The following COL5A2 variants were observed in gnomAD, a reference collection of about 807,000 sequenced individuals.
COL5A2 encodes collagen alpha-2(V) chain.
Under a neutral mutation model 208.2 loss-of-function variants are expected in COL5A2, and 23 were observed. The observed-to-expected ratio is 0.11, with a 90% CI of 0.08 to 0.16. The LOEUF (loss-of-function observed/expected upper bound fraction) is 0.16. Ranked by LOEUF, COL5A2 falls within the 10% of genes least tolerant of loss-of-function variation. The pLI, the probability that COL5A2 is intolerant of heterozygous loss-of-function variation, is 1.00. For missense variants in COL5A2, 1,590 were observed against 1,956.4 expected (o/e 0.81, Z 3.53); for synonymous variants, 625 against 628.5 (o/e 0.99, Z 0.08).
the COL5A2 span, among the ~76,000 whole-genome samples, chr2:189,368,641 G>T: frequency 6.6e-5 from 10 of 152,230 alleles, no homozygotes; most frequent in Admixed American, 2.0e-4. Flanking sequence ...GCATTCATTA[G>T]ATAAAGTTAA....
the COL5A2 span, among the ~76,000 whole-genome samples, chr2:189,318,508 A>C: frequency 2.0e-5 from 3 of 152,176 alleles, no homozygotes; most frequent in African/African-American, 7.2e-5. Flanking sequence ...TGAGCTTATA[A>C]GATAGTAGTC....
At chr2:189,199,489 G>A (rs1689045121) in intron 1 of COL5A2, among the ~76,000 whole-genome samples, 1 of 151,960 alleles carries the variant, frequency 6.6e-6, no homozygotes. Flanking sequence ...CTAGGCACAA[G>A]GGCAAAAAAA....
chr2:189,088,758 T>C lies in COL5A2; in HGVS notation c.582A>G (p.Gln194=), dbSNP rs747615684. Residue 194 remains glutamine, a synonymous_variant, in exon 8 of 54, where the codon CAA becomes CAG. Coordinates refer to ENST00000374866, the MANE Select transcript of COL5A2 (RefSeq NM_000393.5). ...PDGLSRPFSA[Q]MAGLDEKSGL... ...CAGATTTTTCATCCAACCCAGCCAT[T>C]TGAGCTGAAAACGGCTGTAAAAGCG... is the stretch of plus-strand genomic sequence containing the variant. 3.1e-6 allele frequency: 5 copies of C among 1,614,006 alleles called. No individual in the cohort carries two copies. The highest frequency in any genetic ancestry group is 4.2e-6 in the Non-Finnish European group (5 of 1,179,926).
chr2:189,333,833 A>G, the COL5A2 span, among the ~76,000 whole-genome samples: 1 of 152,032 alleles, frequency 6.6e-6, no homozygotes, highest in Non-Finnish European at 1.5e-5. Flanking sequence ...TTAAAAGAAT[A>G]TAAATTTCCA....
the COL5A2 span, among the ~76,000 whole-genome samples, chr2:189,287,986 A>G: frequency 6.6e-6 from 1 of 152,168 alleles, no homozygotes; most frequent in Non-Finnish European, 1.5e-5. Flanking sequence ...AGAGTTGTGT[A>G]TTACATACAA....
intron 1 of COL5A2, among the ~76,000 whole-genome samples, chr2:189,148,803 G>T (rs1216288996): frequency 6.6e-6 from 1 of 152,084 alleles, no homozygotes; most frequent in Non-Finnish European, 1.5e-5. Flanking sequence ...ATATATTAGT[G>T]GTCATTAAGC....
the COL5A2 span, among the ~76,000 whole-genome samples, chr2:189,357,524 AACCGCCT>A: frequency 6.6e-6 from 1 of 152,002 alleles, no homozygotes; most frequent in Non-Finnish European, 1.5e-5. Context: ...GTGAGGGTAA[AACCGCCT>A]ACTCAAGCCT....
chr2:189,297,217 C>T, the COL5A2 span, among the ~76,000 whole-genome samples: 1 of 151,830 alleles, frequency 6.6e-6, no homozygotes, highest in Non-Finnish European at 1.5e-5. Flanking sequence ...TCAATACAAG[C>T]TACTGCACCA....
chr2:189,435,466 A>C, the COL5A2 span, among the ~76,000 whole-genome samples: 20 of 152,222 alleles, frequency 1.3e-4, no homozygotes, highest in African/African-American at 4.8e-4. Flanking sequence ...CAAAGAACTC[A>C]AACAAATTTA....
intron 45 of COL5A2, 66 bp downstream of exon 45, chr2:189,048,143 G>C: frequency 7.0e-7 from 1 of 1,432,338 alleles, no homozygotes. Context: ...ACAGTTTTTA[G>C]TGTAAATTAA....
chr2:189,333,859 A>G, the COL5A2 span, among the ~76,000 whole-genome samples: 4 of 151,944 alleles, frequency 2.6e-5, no homozygotes, highest in Non-Finnish European at 4.4e-5. Flanking sequence ...TAAGCCACTC[A>G]GTCTGTAGGA....
the COL5A2 span, among the ~76,000 whole-genome samples, chr2:189,352,312 C>T: frequency 2.0e-5 from 3 of 152,118 alleles, no homozygotes; most frequent in African/African-American, 2.4e-5. Flanking sequence ...TTTGGGTATA[C>T]ACCCAGTAAT....
chr2:189,162,042 G>A (rs1263296407), intron 1 of COL5A2, among the ~76,000 whole-genome samples: 3 of 152,184 alleles, frequency 2.0e-5, no homozygotes, highest in African/African-American at 4.8e-5. Context: ...GACTTCTCAG[G>A]TGTGCCCTCC....
Position 189,041,072 on chromosome 2 carries a change from A to C in COL5A2, c.3633+514T>G, listed in dbSNP as rs149684887. ...TGGAAGATGTATGAAGATGTTTCCC[A>C]GACCTGAGAAGCAAGGATCTAACTA... On this transcript the variant is annotated intron_variant, in intron 50 of 53. Coordinates refer to ENST00000374866, the MANE Select transcript of COL5A2 (RefSeq NM_000393.5). Among the ~76,000 whole-genome samples the C allele has an allele frequency of 3.1e-3, 472 of 152,334 alleles. 3 individuals are homozygous for C. Among genetic ancestry groups the C allele is most frequent in the African/African-American group, 0.011 (439 of 41,582 alleles).
the COL5A2 span, among the ~76,000 whole-genome samples, chr2:189,295,788 C>CT: frequency 6.7e-6 from 1 of 149,684 alleles, no homozygotes; most frequent in Non-Finnish European, 1.5e-5. Context: ...CGTGAGCCTC[C>CT]TTTTTTAAAA....
the COL5A2 span, among the ~76,000 whole-genome samples, chr2:189,430,326 G>A: frequency 2.2e-3 from 330 of 152,256 alleles, 2 homozygotes; most frequent in Admixed American, 3.7e-3. Context: ...AAACTAAAAG[G>A]AGATACAGCT....
chr2:189,111,588 T>TA (rs140402764), intron 1 of COL5A2, among the ~76,000 whole-genome samples: 108,326 of 151,906 alleles, frequency 0.71, 39,593 homozygotes, highest in Non-Finnish European at 0.81. Flanking sequence ...CTGCAAAAAT[T>TA]AGACTTCCTT....
intron 1 of COL5A2, among the ~76,000 whole-genome samples, chr2:189,197,454 AAATT>A (rs1689018764): frequency 6.6e-6 from 1 of 152,118 alleles, no homozygotes; most frequent in African/African-American, 2.4e-5. Context: ...GTAAAATAAA[AAATT>A]AATTAATTAA....
chr2:189,057,729 T>C (rs1245213299), intron 33 of COL5A2, among the ~76,000 whole-genome samples: 1 of 152,192 alleles, frequency 6.6e-6, no homozygotes, highest in Non-Finnish European at 1.5e-5. Flanking sequence ...TAATGGAATA[T>C]ATTAAGAAAG....
Sources: gnomAD v4.1 joint callset for allele counts (sites outside exome capture counted in the v4.1 genomes callset) on GRCh38, gnomAD v4.1.1 for gene constraint, MANE v1.5 for transcripts, NCBI Gene and HGNC (gene_info 2026-07-23, HGNC 2026-07-21) for gene names.